Variants in ASTN2 observed in about 807,000 individuals in gnomAD.
ASTN2 encodes astrotactin-2.
ASTN2 carries 54 observed loss-of-function variants against 139.8 expected under a neutral mutation model. The ratio of observed to expected loss-of-function variants is 0.39; its 90% CI spans 0.31 to 0.48. The LOEUF (loss-of-function observed/expected upper bound fraction) is 0.48, where lower values mean the gene tolerates loss of function less well. ASTN2 is among the 20% of genes least tolerant of loss of function. The pLI, the probability that ASTN2 is intolerant of heterozygous loss-of-function variation, is 0.95. For synonymous variants in ASTN2, 756 were observed against 719.5 expected, an observed-to-expected ratio of 1.05 and a Z score of -0.81; for missense variants, 1,565 against 1,725.1, an observed-to-expected ratio of 0.91 and a Z score of 1.64.
chr9:117,173,221 T>A (rs1484439433), intron 3 of ASTN2, among the ~76,000 whole-genome samples: 1 of 152,142 alleles, frequency 6.6e-6, no homozygotes, highest in African/African-American at 2.4e-5. Context: ...CACTTAGCAA[T>A]CTGGCCCCAA....
intron 2 of ASTN2, among the ~76,000 whole-genome samples, chr9:117,290,026 G>A (rs1008168281): frequency 6.6e-6 from 1 of 152,210 alleles, no homozygotes; most frequent in Non-Finnish European, 1.5e-5. Flanking sequence ...AAAACTAAAG[G>A]TCGCTCCGTT....
chr9:116,721,924 C>A (rs1828482963), intron 16 of ASTN2, among the ~76,000 whole-genome samples: 1 of 152,214 alleles, frequency 6.6e-6, no homozygotes, highest in East Asian at 1.9e-4. Flanking sequence ...GGATCTAGAC[C>A]ACTATACTTC....
At chr9:117,302,374 C>T (rs1282710897) in intron 1 of ASTN2, among the ~76,000 whole-genome samples, 2 of 152,130 alleles carry the variant, frequency 1.3e-5, no homozygotes, top group Non-Finnish European at 2.9e-5. Context: ...TTAAATCACA[C>T]AGCATCATGA....
At chr9:116,852,603 AAGCAGGG>A (rs1832638149) in intron 11 of ASTN2, among the ~76,000 whole-genome samples, 1 of 152,142 alleles carries the variant, frequency 6.6e-6, no homozygotes, top group Non-Finnish European at 1.5e-5. Flanking sequence ...AGACTTCTTA[AAGCAGGG>A]ATCAGAGAGA....
intron 3 of ASTN2, among the ~76,000 whole-genome samples, chr9:117,195,748 G>A (rs539952991): frequency 6.6e-6 from 1 of 152,094 alleles, no homozygotes; most frequent in Non-Finnish European, 1.5e-5. Context: ...TTCACAGGGG[G>A]TGTCAGAAGG....
chr9:117,373,241 C>T (rs1464707218), intron 1 of ASTN2, among the ~76,000 whole-genome samples: 1 of 152,144 alleles, frequency 6.6e-6, no homozygotes, highest in Non-Finnish European at 1.5e-5. Context: ...CCTTAAAAGA[C>T]TTCTATAGAT....
intron 10 of ASTN2, among the ~76,000 whole-genome samples, chr9:116,928,705 T>A (rs1162462577): frequency 2.0e-5 from 3 of 151,746 alleles, no homozygotes; most frequent in Non-Finnish European, 4.4e-5. Flanking sequence ...CAAAGACTTG[T>A]GGAGGTACAA....
chr9:116,668,158 A>G (rs2131979306), intron 16 of ASTN2, among the ~76,000 whole-genome samples: 1 of 151,154 alleles, frequency 6.6e-6, no homozygotes, highest in East Asian at 1.9e-4. Context: ...AGAATGTCAT[A>G]CAGTGGGAAT....
At chr9:116,583,104 C>G (rs1283482043) in intron 19 of ASTN2, 1 of 152,260 alleles carries the variant, frequency 6.6e-6, no homozygotes. Context: ...CCACTTGATT[C>G]AGGATCCTTC....
At chr9:117,357,228 G>T (rs527982587) in intron 1 of ASTN2, among the ~76,000 whole-genome samples, 19 of 152,112 alleles carry the variant, frequency 1.2e-4, no homozygotes, top group African/African-American at 4.3e-4. Flanking sequence ...TAAGTCAAAA[G>T]AATTTTTAAT....
chr9:117,191,169 A>G lies in ASTN2; in HGVS notation c.1015+23189T>C, dbSNP rs889414295. Among the ~76,000 whole-genome samples, 35 of 151,776 alleles carry G rather than the reference A, an allele frequency of 2.3e-4. No individual in the cohort carries two copies. The Middle Eastern group carries it at 9.5e-3, about 41-fold the overall frequency. On this transcript the variant is annotated intron_variant, in intron 3 of 22. Transcript: ENST00000313400. ...GGAATATACCCTGAGGAAATAACAC[A>G]GAATAGTGAAAATGAATTTAAGACT...
chr9:117,159,189 G>A lies in ASTN2; in HGVS notation c.1016-17711C>T, dbSNP rs138820920. Among the ~76,000 whole-genome samples the A allele has an allele frequency of 1.6e-4, 25 of 151,912 alleles. 1 individual carries two copies. The highest frequency in any genetic ancestry group is 4.1e-4 in the African/African-American group (17 of 41,462). On this transcript the variant is annotated intron_variant, in intron 3 of 22. Transcript: ENST00000313400. ...GCCATTTCCAATTATGACCACTATC[G>A]CAGGCCTGTCGTCTGCTAACTGTGG...
At chr9:116,533,360 C>G (rs949981485) in intron 19 of ASTN2, among the ~76,000 whole-genome samples, 1 of 152,162 alleles carries the variant, frequency 6.6e-6, no homozygotes, top group Non-Finnish European at 1.5e-5. Context: ...ATTTCTTTCT[C>G]CTGCCTGATT....
intron 19 of ASTN2, among the ~76,000 whole-genome samples, chr9:116,517,078 TG>T (rs2119215208): frequency 6.6e-6 from 1 of 152,336 alleles, no homozygotes; most frequent in South Asian, 2.1e-4. Flanking sequence ...AGGAGCTCTA[TG>T]GCCCTGCCTA....
chr9:116,987,934 G>T (rs1025048320), intron 7 of ASTN2, among the ~76,000 whole-genome samples: 2 of 152,168 alleles, frequency 1.3e-5, no homozygotes, highest in African/African-American at 4.8e-5. Context: ...TATGGACAAG[G>T]GAATGATTCA....
intron 13 of ASTN2, among the ~76,000 whole-genome samples, chr9:116,786,675 A>G (rs2132214951): frequency 6.6e-6 from 1 of 152,300 alleles, no homozygotes; most frequent in South Asian, 2.1e-4. Flanking sequence ...AATGTCTTTT[A>G]TACTGTTTGT....
intron 16 of ASTN2, among the ~76,000 whole-genome samples, chr9:116,703,921 C>A (rs1588225735): frequency 2.0e-5 from 3 of 152,072 alleles, no homozygotes; most frequent in Non-Finnish European, 4.4e-5. Context: ...ACAAGCAGGG[C>A]AACAGTGAGG....
At chr9:116,673,030 G>A (rs1471043877) in intron 16 of ASTN2, among the ~76,000 whole-genome samples, 1 of 152,196 alleles carries the variant, frequency 6.6e-6, no homozygotes, top group African/African-American at 2.4e-5. Flanking sequence ...AGCTATGACA[G>A]GAAATATCCT....
rs151222691 is a variant in ASTN2 at position 116,524,181 on chromosome 9, T to C, written c.3356-36681A>G. Among the ~76,000 whole-genome samples the C allele has an allele frequency of 3.8e-3, 580 of 152,198 alleles. 1 individual carries two copies. The highest frequency in any genetic ancestry group is 0.017 in the Middle Eastern group (5 of 290). ...AAGTCATTCTTGGTGGGGGACAGAT[T>C]AGGCAGCTCCTATTGTTTTAGTGGC... On this transcript the variant is annotated intron_variant, in intron 19 of 22. Coordinates refer to ENST00000313400, the MANE Select transcript of ASTN2 (RefSeq NM_001365068.1).
Sources: allele counts gnomAD v4.1 joint callset (sites outside exome capture counted in the v4.1 genomes callset), GRCh38; gene constraint gnomAD v4.1.1; transcripts MANE v1.5; gene names NCBI Gene and HGNC (gene_info 2026-07-23, HGNC 2026-07-21).